MYO1D: variants seen among roughly 807,000 people sequenced by gnomAD.
MYO1D encodes myosin ID, also known as unconventional myosin-Id.
A neutral mutation model predicts 122.0 loss-of-function variants in MYO1D; 83 were observed. That is an observed-to-expected ratio of 0.68 (90% CI 0.57 to 0.82). MYO1D has a LOEUF of 0.82. Among genes scored for constraint, MYO1D ranks in the 40% least tolerant of loss-of-function variants. The probability of loss-of-function intolerance (pLI) is 0.00; values close to 1 mark genes in which losing one functional copy is unlikely to be tolerated. For synonymous variants in MYO1D, 464 were observed against 446.9 expected (o/e 1.04, Z -0.48); for missense variants, 1,157 against 1,269.5 (o/e 0.91, Z 1.35).
chr17:32,812,032 C>T (rs1340728796), intron 1 of MYO1D, among the ~76,000 whole-genome samples: 1 of 152,146 alleles, frequency 6.6e-6, no homozygotes, highest in African/African-American at 2.4e-5. Flanking sequence ...AATAACTTTC[C>T]TTGTAGTTTG....
intron 21 of MYO1D, among the ~76,000 whole-genome samples, chr17:32,586,296 T>C (rs533401028): frequency 6.6e-6 from 1 of 152,322 alleles, no homozygotes; most frequent in East Asian, 1.9e-4. Context: ...TCTCTGGTGG[T>C]AAGTTTCTCA....
chr17:32,721,004 C>CT lies in MYO1D; in HGVS notation c.1913+18dup. 1 of 1,608,026 alleles carries CT rather than the reference C, an allele frequency of 6.2e-7. No individual in the cohort carries two copies. The highest frequency in any genetic ancestry group is 8.5e-7 in the Non-Finnish European group (1 of 1,176,250). ...CTTATTCTCAGTGAACTAGGCCTCT[C>CT]TGACGAGTCTATTCTCACCTGTGAA... On this transcript the variant is annotated intron_variant, in intron 15 of 21. Coordinates refer to ENST00000318217, the MANE Select transcript of MYO1D (RefSeq NM_015194.3).
At position 32,780,798 on chromosome 17, in the gene MYO1D, A is replaced by G; in HGVS notation, c.96-14T>C. On this transcript the variant is annotated splice_polypyrimidine_tract_variant and intron_variant, in intron 1 of 21. Transcript: ENST00000318217. ...CCTTTTTCAAATCTGTACAGAAGCAAAAGAAAAGGAAGACGTAGCTGTGGT... is the reference window on the plus strand; with the variant it reads ...CCTTTTTCAAATCTGTACAGAAGCAGAAGAAAAGGAAGACGTAGCTGTGGT... 1 of 1,612,266 alleles carries G rather than the reference A, an allele frequency of 6.2e-7. No individual in the cohort carries two copies. The highest frequency in any genetic ancestry group is 1.1e-5 in the South Asian group (1 of 91,036).
intron 21 of MYO1D, among the ~76,000 whole-genome samples, chr17:32,541,622 TATCTA>T (rs1202181063): frequency 6.6e-6 from 1 of 152,196 alleles, no homozygotes; most frequent in Admixed American, 6.5e-5. Context: ...AGCTAGAAAG[TATCTA>T]GAATCAGAGA....
intron 21 of MYO1D, among the ~76,000 whole-genome samples, chr17:32,547,608 C>A (rs1434840201): frequency 1.3e-5 from 2 of 152,204 alleles, no homozygotes; most frequent in African/African-American, 2.4e-5. Flanking sequence ...TGCAGCATCC[C>A]AAGTGATTGT....
intron 1 of MYO1D, among the ~76,000 whole-genome samples, chr17:32,794,639 T>C (rs1163647462): frequency 6.6e-6 from 1 of 151,320 alleles, no homozygotes; most frequent in Non-Finnish European, 1.5e-5. Context: ...TAAATGGAGG[T>C]CCAGGGAGAG....
At chr17:32,727,187 G>A (rs553720890) in intron 14 of MYO1D, among the ~76,000 whole-genome samples, 1 of 152,346 alleles carries the variant, frequency 6.6e-6, no homozygotes, top group East Asian at 1.9e-4. Flanking sequence ...CAAGAACACG[G>A]TTTGCTAGCA....
At chr17:32,495,144 C>T (rs983296588) in intron 21 of MYO1D, among the ~76,000 whole-genome samples, 2 of 152,196 alleles carry the variant, frequency 1.3e-5, no homozygotes, top group African/African-American at 2.4e-5. Flanking sequence ...CCCATGCCAG[C>T]GCATGGGACT....
At chr17:32,870,898 C>T (rs2091173296) in intron 1 of MYO1D, among the ~76,000 whole-genome samples, 1 of 152,238 alleles carries the variant, frequency 6.6e-6, no homozygotes. Context: ...CCTGGATCTA[C>T]CTCTGAACAG....
chr17:32,760,087 G>T (rs1297561507), intron 10 of MYO1D: 2 of 708,858 alleles, frequency 2.8e-6, no homozygotes, highest in South Asian at 1.5e-5. Context: ...GGATGTTCTG[G>T]GCATCAACAA....
chr17:32,793,646 T>G (rs971224929), intron 1 of MYO1D, among the ~76,000 whole-genome samples: 1 of 152,180 alleles, frequency 6.6e-6, no homozygotes, highest in Non-Finnish European at 1.5e-5. Flanking sequence ...AATTAACAAC[T>G]TGGAAGACAG....
At chr17:32,777,047 G>C (rs1167601360) in intron 3 of MYO1D, among the ~76,000 whole-genome samples, 1 of 152,098 alleles carries the variant, frequency 6.6e-6, no homozygotes, top group East Asian at 1.9e-4. Flanking sequence ...CTTGTGATAA[G>C]ATATGTTTGT....
At chr17:32,756,526 T>C (rs2089948932) in intron 10 of MYO1D, among the ~76,000 whole-genome samples, 2 of 151,948 alleles carry the variant, frequency 1.3e-5, no homozygotes, top group South Asian at 4.2e-4. Flanking sequence ...GTCATTGTGT[T>C]TGTTAACAAC....
At chr17:32,585,348 T>C (rs2087376963) in intron 21 of MYO1D, among the ~76,000 whole-genome samples, 1 of 152,224 alleles carries the variant, frequency 6.6e-6, no homozygotes, top group South Asian at 2.1e-4. Context: ...AATGATTCTG[T>C]CTTACCAGCG....
At chr17:32,714,264 G>A (rs2089414906) in intron 15 of MYO1D, among the ~76,000 whole-genome samples, 3 of 124,416 alleles carry the variant, frequency 2.4e-5, no homozygotes, top group Admixed American at 9.7e-5. Flanking sequence ...TATTCACCCC[G>A]ATATGTCCAC....
chr17:32,723,075 C>A (rs183434332), intron 14 of MYO1D, among the ~76,000 whole-genome samples: 3 of 152,170 alleles, frequency 2.0e-5, no homozygotes, highest in African/African-American at 7.2e-5. Flanking sequence ...AGCCTCACAA[C>A]GGCGTCTTGG....
At chr17:32,874,154 C>G (rs2091206567) in intron 1 of MYO1D, among the ~76,000 whole-genome samples, 1 of 152,216 alleles carries the variant, frequency 6.6e-6, no homozygotes, top group African/African-American at 2.4e-5. Flanking sequence ...TAAGGTATCT[C>G]TCTCTCTTCT....
At chr17:32,646,025 T>C (rs559719974) in intron 19 of MYO1D, among the ~76,000 whole-genome samples, 14 of 152,182 alleles carry the variant, frequency 9.2e-5, no homozygotes, top group Non-Finnish European at 1.9e-4. Flanking sequence ...TTTCCCGATC[T>C]TTGTGGTTTT....
chr17:32,665,122 T>G (rs1367660402), intron 16 of MYO1D, among the ~76,000 whole-genome samples: 1 of 152,174 alleles, frequency 6.6e-6, no homozygotes, highest in Non-Finnish European at 1.5e-5. Context: ...CCTCATTCTC[T>G]GCATCTTTGC....
Sources: gnomAD v4.1 joint callset for allele counts (sites outside exome capture counted in the v4.1 genomes callset) on GRCh38, gnomAD v4.1.1 for gene constraint, MANE v1.5 for transcripts, NCBI Gene and HGNC (gene_info 2026-07-23, HGNC 2026-07-21) for gene names.